MACROD2: variants seen among roughly 807,000 people sequenced by gnomAD.
MACROD2 encodes ADP-ribose glycohydrolase MACROD2.
MACROD2 carries 36 observed loss-of-function variants against 70.4 expected under a neutral mutation model. That is an observed-to-expected ratio of 0.51 (90% CI 0.39 to 0.68). The LOEUF is 0.68. Ranked by LOEUF, MACROD2 falls within the 30% of genes least tolerant of loss-of-function variation. MACROD2 has a pLI of 0.00. For synonymous variants in MACROD2, 172 were observed against 178.8 expected, an observed-to-expected ratio of 0.96 and a Z score of 0.30; for missense variants, 496 against 538.4, an observed-to-expected ratio of 0.92 and a Z score of 0.78.
At chr20:14,241,150 G>A (rs1053702079) in intron 3 of MACROD2, among the ~76,000 whole-genome samples, 1 of 152,082 alleles carries the variant, frequency 6.6e-6, no homozygotes, top group African/African-American at 2.4e-5. Context: ...AAATACAAAA[G>A]AACACGAAGA....
At chr20:16,014,055 C>T (rs960147203) in intron 15 of MACROD2, among the ~76,000 whole-genome samples, 1 of 152,174 alleles carries the variant, frequency 6.6e-6, no homozygotes, top group African/African-American at 2.4e-5. Context: ...AATTAACATC[C>T]AGCCTTAACA....
rs117407530 is a variant in MACROD2, at chr20:15,531,963, T to C, written c.645+32116T>C. Among the ~76,000 whole-genome samples the C allele has an allele frequency of 6.2e-3, 945 of 152,322 alleles. 12 individuals carry two copies. The highest frequency in any genetic ancestry group is 0.05 in the East Asian group (260 of 5,190). ...GTGTCTTTTGCAAATTACTCTTTTA[T>C]TGTGTTCCTTGGAAATAAATCACTA... On this transcript the variant is annotated intron_variant, in intron 8 of 17. Transcript: ENST00000684519.
chr20:14,478,824 TC>T (rs2084628282), intron 3 of MACROD2, among the ~76,000 whole-genome samples: 1 of 152,146 alleles, frequency 6.6e-6, no homozygotes, highest in Non-Finnish European at 1.5e-5. Context: ...AATTTAATTT[TC>T]CAAGATTTTT....
At chr20:15,407,164 C>A (rs1229602312) in intron 6 of MACROD2, among the ~76,000 whole-genome samples, 1 of 152,170 alleles carries the variant, frequency 6.6e-6, no homozygotes, top group African/African-American at 2.4e-5. Flanking sequence ...TTTTCACTTG[C>A]TGGAGACTTC....
At chr20:15,093,892 A>G (rs1323447630) in intron 5 of MACROD2, among the ~76,000 whole-genome samples, 3 of 152,176 alleles carry the variant, frequency 2.0e-5, no homozygotes, top group East Asian at 1.9e-4. Flanking sequence ...ACTTTTTTAC[A>G]GATGCAGAAA....
intron 3 of MACROD2, among the ~76,000 whole-genome samples, chr20:14,404,793 AAAAGC>A (rs1445570901): frequency 6.6e-6 from 1 of 152,118 alleles, no homozygotes; most frequent in Non-Finnish European, 1.5e-5. Context: ...TTTAGGAAGA[AAAAGC>A]AGAGCAGAGA....
At chr20:14,039,112 C>T (rs4814276) in intron 2 of MACROD2, among the ~76,000 whole-genome samples, 26,609 of 152,050 alleles carry the variant, frequency 0.18, 2,550 homozygotes, top group Admixed American at 0.23. Context: ...ATTTCTAGTT[C>T]TAAAGATTGG....
chr20:15,202,177 T>C (rs931195037), intron 5 of MACROD2, among the ~76,000 whole-genome samples: 2 of 152,208 alleles, frequency 1.3e-5, no homozygotes, highest in Non-Finnish European at 2.9e-5. Context: ...GCCGAAGTCA[T>C]ATCATTTTAG....
At chr20:15,993,231 AGAGTGTGTGT>A (rs1253516038) in intron 15 of MACROD2, among the ~76,000 whole-genome samples, 3 of 98,106 alleles carry the variant, frequency 3.1e-5, no homozygotes, top group Middle Eastern at 4.3e-3. Flanking sequence ...GAGAATTTGA[AGAGTGTGTGT>A]GTGTGTGTGT....
At chr20:14,339,129 A>G (rs905390420) in intron 3 of MACROD2, among the ~76,000 whole-genome samples, 1 of 152,198 alleles carries the variant, frequency 6.6e-6, no homozygotes, top group African/African-American at 2.4e-5. Context: ...ATCTATTTAT[A>G]TATTTGTTTG....
chr20:15,912,646 G>A (rs532847603), intron 10 of MACROD2, among the ~76,000 whole-genome samples: 71 of 152,144 alleles, frequency 4.7e-4, no homozygotes, highest in African/African-American at 1.6e-3. Flanking sequence ...GTTGGTTATC[G>A]GTGAAACATG....
chr20:15,203,503 T>C (rs1347977216), intron 5 of MACROD2, among the ~76,000 whole-genome samples: 3 of 152,150 alleles, frequency 2.0e-5, no homozygotes, highest in Non-Finnish European at 4.4e-5. Context: ...ATGAGAAATA[T>C]GTTATTAAAT....
At chr20:15,727,245 C>A (rs1414212206) in intron 8 of MACROD2, among the ~76,000 whole-genome samples, 1 of 151,950 alleles carries the variant, frequency 6.6e-6, no homozygotes, top group Non-Finnish European at 1.5e-5. Flanking sequence ...AAACAGATGG[C>A]TGTAGATAGG....
At chr20:14,540,256 C>A (rs1312450673) in intron 4 of MACROD2, among the ~76,000 whole-genome samples, 1 of 152,106 alleles carries the variant, frequency 6.6e-6, no homozygotes, top group Admixed American at 6.5e-5. Flanking sequence ...ACCTCAGTTA[C>A]GTTTACTTCC....
chr20:14,519,227 C>A (rs1049084315), intron 4 of MACROD2, among the ~76,000 whole-genome samples: 1 of 152,056 alleles, frequency 6.6e-6, no homozygotes, highest in Admixed American at 6.6e-5. Context: ...GACAAGGAGA[C>A]CTTTCTTAGA....
At chr20:14,242,712 A>C (rs2081939530) in intron 3 of MACROD2, among the ~76,000 whole-genome samples, 1 of 152,124 alleles carries the variant, frequency 6.6e-6, no homozygotes, top group African/African-American at 2.4e-5. Context: ...TGCTAACTTA[A>C]ATTTTATGTA....
At chr20:14,608,549 CATTCATTT>C (rs1489864046) in intron 4 of MACROD2, among the ~76,000 whole-genome samples, 1 of 152,134 alleles carries the variant, frequency 6.6e-6, no homozygotes, top group Non-Finnish European at 1.5e-5. Flanking sequence ...CTCATTCATT[CATTCATTT>C]ATTCATTTAA....
chr20:14,810,562 T>A (rs2072697027), intron 5 of MACROD2, among the ~76,000 whole-genome samples: 1 of 152,076 alleles, frequency 6.6e-6, no homozygotes, highest in Non-Finnish European at 1.5e-5. Flanking sequence ...CCACTCCTAT[T>A]CAACATAGTA....
At chr20:14,900,308 G>C (rs189172935) in intron 5 of MACROD2, among the ~76,000 whole-genome samples, 1 of 152,140 alleles carries the variant, frequency 6.6e-6, no homozygotes, top group East Asian at 1.9e-4. Flanking sequence ...TTTAGTATCC[G>C]AATAATACTG....
Sources: allele counts gnomAD v4.1 joint callset (sites outside exome capture counted in the v4.1 genomes callset), GRCh38; gene constraint gnomAD v4.1.1; transcripts MANE v1.5; gene names NCBI Gene and HGNC (gene_info 2026-07-23, HGNC 2026-07-21).